RWDD1: variants seen among roughly 807,000 people sequenced by gnomAD.
RWDD1 encodes RWD domain-containing protein 1.
A neutral mutation model predicts 31.6 loss-of-function variants in RWDD1; 17 were observed. The ratio of observed to expected loss-of-function variants is 0.54; its 90% confidence interval spans 0.37 to 0.81. The LOEUF is 0.81. Ranked by LOEUF, RWDD1 falls within the 30% of genes least tolerant of loss-of-function variation. The pLI, the probability that RWDD1 is intolerant of heterozygous loss-of-function variation, is 0.00. For missense variants in RWDD1, 204 were observed against 274.5 expected (o/e 0.74, Z 1.82); for synonymous variants, 78 against 94.2 (o/e 0.83, Z 0.99).
intron 1 of RWDD1, among the ~76,000 whole-genome samples, chr6:116,575,111 G>A (rs1359989979): frequency 6.6e-6 from 1 of 151,794 alleles, no homozygotes; most frequent in Non-Finnish European, 1.5e-5. Context: ...TTTTGAGAGA[G>A]AGTCTCCCTT....
intron 1 of RWDD1, 148 bp downstream of exon 1, chr6:116,571,803 A>T: frequency 1.7e-6 from 1 of 579,714 alleles, no homozygotes; most frequent in East Asian, 3.2e-5. Context: ...CAAGTTCTTC[A>T]GTCACTTACC....
Position 116,584,714 on chromosome 6 carries a change from T to C in RWDD1, c.140-13T>C, listed in dbSNP as rs376426771. 1.4e-5 allele frequency: 22 copies of C among 1,607,920 alleles called. No homozygotes were observed. The highest frequency in any genetic ancestry group is 1.9e-5 in the Non-Finnish European group (22 of 1,175,144). ...TTAAGGTATTCACATCAAACTCTTATCTTGTGTCTTAGCTGTCCAGACTAC... is the reference window on the plus strand; with the variant it reads ...TTAAGGTATTCACATCAAACTCTTACCTTGTGTCTTAGCTGTCCAGACTAC... On this transcript the variant is annotated splice_polypyrimidine_tract_variant and intron_variant, in intron 2 of 6. Transcript: ENST00000466444.
At chr6:116,592,889 T>C in intron 6 of RWDD1, 91 bp from the exon 7 acceptor site, 1 of 1,400,694 alleles carries the variant, frequency 7.1e-7, no homozygotes, top group East Asian at 2.3e-5. Flanking sequence ...GATTTGGAGA[T>C]TTCTGTTTGG....
chr6:116,587,480 T>G (rs1187196062), intron 3 of RWDD1, among the ~76,000 whole-genome samples: 1 of 152,138 alleles, frequency 6.6e-6, no homozygotes, highest in Middle Eastern at 3.2e-3. Context: ...TTGAAGTTGG[T>G]GGTGATAAGT....
At chr6:116,580,445 A>G (rs72965123) in intron 2 of RWDD1, 85 bp downstream of exon 2, 31,577 of 949,436 alleles carry the variant, frequency 0.033, 659 homozygotes, top group Middle Eastern at 0.091. Flanking sequence ...GGATATTGTC[A>G]TGTGGAGGTG....
chr6:116,587,857 T>G (rs1217916938), intron 3 of RWDD1, among the ~76,000 whole-genome samples: 1 of 152,032 alleles, frequency 6.6e-6, no homozygotes, highest in Non-Finnish European at 1.5e-5. Flanking sequence ...AAATGACGTT[T>G]AGGAATAGGT....
intron 1 of RWDD1, among the ~76,000 whole-genome samples, chr6:116,574,753 TCC>T (rs1323453789): frequency 1.7e-5 from 2 of 116,862 alleles, no homozygotes; most frequent in Non-Finnish European, 3.5e-5. Flanking sequence ...CCACCTCCCC[TCC>T]CCTTCCCTCC....
chr6:116,594,389 T>C lies in RWDD1; in HGVS notation c.*1288T>C, dbSNP rs1034224466. The stretch of plus-strand genomic sequence containing the variant: ...AAATTAGAATCATTTGTGGAGTTTC[T>C]AAAAGGTATGCATTCCTAGGCCCCT... On this transcript the variant is annotated 3_prime_UTR_variant, in exon 7 of 7. Coordinates refer to ENST00000466444, the MANE Select transcript of RWDD1 (RefSeq NM_015952.4). 11 of 152,132 alleles carry C rather than the reference T, an allele frequency of 7.2e-5. No individual in the cohort carries two copies. The highest frequency in any genetic ancestry group is 1.5e-4 in the Non-Finnish European group (10 of 68,030). The allele number at this position is 152,132 out of a possible 1,614,324, so 9.4% of individuals were successfully genotyped here.
intron 2 of RWDD1, among the ~76,000 whole-genome samples, chr6:116,581,806 A>G (rs1774951905): frequency 6.6e-6 from 1 of 152,066 alleles, no homozygotes; most frequent in Non-Finnish European, 1.5e-5. Context: ...GAAAATGTTC[A>G]TATTCTTTGA....
chr6:116,584,147 G>A (rs762744560), intron 2 of RWDD1, among the ~76,000 whole-genome samples: 6 of 152,192 alleles, frequency 3.9e-5, no homozygotes, highest in African/African-American at 7.2e-5. Context: ...TTTTACTTCC[G>A]TACAAGTGTG....
intron 1 of RWDD1, among the ~76,000 whole-genome samples, chr6:116,574,679 TCTTC>T (rs999521735): frequency 3.4e-4 from 51 of 150,664 alleles, no homozygotes; most frequent in East Asian, 2.5e-3. Context: ...TCTCTCTCTC[TCTTC>T]CTTCCTTCCT....
intron 3 of RWDD1, among the ~76,000 whole-genome samples, chr6:116,588,534 A>G (rs2115334426): frequency 6.6e-6 from 1 of 152,240 alleles, no homozygotes; most frequent in African/African-American, 2.4e-5. Flanking sequence ...TTAAAATAGA[A>G]AGAACTAAAA....
At chr6:116,582,206 A>T in intron 2 of RWDD1, among the ~76,000 whole-genome samples, 1 of 151,016 alleles carries the variant, frequency 6.6e-6, no homozygotes. Context: ...CCATTATTTT[A>T]TTCCTAAATT....
chr6:116,587,481 GGT>G (rs1245724350), intron 3 of RWDD1, among the ~76,000 whole-genome samples: 1 of 152,104 alleles, frequency 6.6e-6, no homozygotes, highest in Non-Finnish European at 1.5e-5. Context: ...TGAAGTTGGT[GGT>G]GATAAGTGGT....
rs559525791 is a variant in RWDD1 at position 116,594,507 on chromosome 6, T to C, written c.*1406T>C. The C allele has an allele frequency of 6.6e-6, 1 of 152,334 alleles. No individual in the cohort carries two copies. Among genetic ancestry groups the C allele is most frequent in the Non-Finnish European group, 1.5e-5 (1 of 68,026 alleles). 9.4% of individuals were successfully genotyped at this position (152,334 alleles called of 1,614,324 possible). A position where few individuals can be genotyped will look rare whatever the true frequency, so the allele number is the denominator to read the frequency against. On this transcript the variant is annotated 3_prime_UTR_variant, in exon 7 of 7. Coordinates refer to ENST00000466444, the MANE Select transcript of RWDD1 (RefSeq NM_015952.4). ...CTACAGATTATTCTGATGCACAATC[T>C]GGGTTAAGAACCACTGTCCTGTAGT...
At chr6:116,589,093 A>G (rs555134678) in intron 4 of RWDD1, 108 bp downstream of exon 4, 26 of 967,678 alleles carry the variant, frequency 2.7e-5, no homozygotes, top group Admixed American at 4.7e-5. Flanking sequence ...AAATCACAAA[A>G]ATAAATAAAA....
In RWDD1 at chr6:116,596,538, A is replaced by T. The variant is rs575326768; in HGVS notation, c.*3437A>T. On this transcript the variant is annotated 3_prime_UTR_variant, in exon 7 of 7. Transcript: ENST00000466444. ...AATTTTGTCATAAAAATAGCCAATG[A>T]TGTTTTTAATTTTACATCTAAAACT... The T allele has an allele frequency of 1.3e-5, 2 of 152,318 alleles. No individual in the cohort carries two copies. The highest frequency in any genetic ancestry group is 2.1e-4 in the South Asian group (1 of 4,832). 9.4% of individuals were successfully genotyped at this position (152,318 alleles called of 1,614,324 possible). A position where few individuals can be genotyped will look rare whatever the true frequency, so the allele number is the denominator to read the frequency against.
intron 6 of RWDD1, 105 bp from the exon 7 acceptor site, chr6:116,592,874 AT>A: frequency 1.6e-6 from 2 of 1,246,136 alleles, no homozygotes; most frequent in Non-Finnish European, 2.2e-6. Context: ...CCTACCTCAT[AT>A]GCAGATTTGG....
At chr6:116,586,461 T>C (rs1457036805) in intron 3 of RWDD1, among the ~76,000 whole-genome samples, 2 of 152,142 alleles carry the variant, frequency 1.3e-5, no homozygotes, top group East Asian at 3.8e-4. Context: ...ATCTTTTCAT[T>C]TCAGTTACAC....
Sources: allele counts gnomAD v4.1 joint callset (sites outside exome capture counted in the v4.1 genomes callset), GRCh38; gene constraint gnomAD v4.1.1; transcripts MANE v1.5; gene names NCBI Gene and HGNC (gene_info 2026-07-23, HGNC 2026-07-21).